Variants in PLCB4 observed in about 807,000 individuals in gnomAD.
PLCB4 encodes phospholipase C beta 4, also known as 1-phosphatidylinositol 4,5-bisphosphate phosphodiesterase beta-4.
Under a neutral mutation model 178.8 loss-of-function variants are expected in PLCB4, and 77 were observed. The ratio of observed to expected loss-of-function variants is 0.43; its 90% confidence interval spans 0.36 to 0.52. PLCB4 has a LOEUF of 0.52. PLCB4 is among the 20% of genes least tolerant of loss of function. The pLI, the probability that PLCB4 is intolerant of heterozygous loss-of-function variation, is 0.00. For synonymous variants in PLCB4, 496 were observed against 490.8 expected, an observed-to-expected ratio of 1.01 and a Z score of -0.14; for missense variants, 1,024 against 1,453.4, an observed-to-expected ratio of 0.70 and a Z score of 4.80.
At chr20:9,331,954 G>T (rs1170154977) in intron 4 of PLCB4, among the ~76,000 whole-genome samples, 1 of 152,144 alleles carries the variant, frequency 6.6e-6, no homozygotes, top group African/African-American at 2.4e-5. Context: ...TTTCACAAAA[G>T]GTGTTCCTGT....
chr20:9,356,798 A>G (rs2034864958), intron 7 of PLCB4, among the ~76,000 whole-genome samples: 1 of 152,202 alleles, frequency 6.6e-6, no homozygotes, highest in Non-Finnish European at 1.5e-5. Context: ...GAAAAATGCC[A>G]ACTTTTTCTT....
In PLCB4 at chr20:9,112,718, A is replaced by G. The variant is rs757206740; in HGVS notation, c.-79+16376A>G. Among the ~76,000 whole-genome samples, 129 of 152,262 alleles carry G rather than the reference A, an allele frequency of 8.5e-4. No homozygotes were observed. In the Middle Eastern group the frequency reaches 0.01, roughly 12 times the overall value. On this transcript the variant is annotated intron_variant, in intron 2 of 39. Transcript: ENST00000378473. ...GAGCATATTCATAGACTGTCCCTTT[A>G]TGCAATTCCTGGGCAAGTGCATGGC...
intron 3 of PLCB4, among the ~76,000 whole-genome samples, chr20:9,252,633 A>G (rs1462639822): frequency 6.6e-6 from 1 of 152,182 alleles, no homozygotes; most frequent in Non-Finnish European, 1.5e-5. Flanking sequence ...GATATCAGAT[A>G]GCTAGTAAAA....
intron 28 of PLCB4, among the ~76,000 whole-genome samples, chr20:9,432,740 G>A (rs569504598): frequency 1.3e-5 from 2 of 152,302 alleles, no homozygotes; most frequent in South Asian, 2.1e-4. Flanking sequence ...TCCTGATGAC[G>A]ATGAGAAAGC....
At chr20:9,076,753 C>T (rs188242462) in intron 1 of PLCB4, among the ~76,000 whole-genome samples, 21 of 152,164 alleles carry the variant, frequency 1.4e-4, no homozygotes, top group African/African-American at 4.3e-4. Context: ...GCAGTTCCTT[C>T]GGGATGTGTT....
At chr20:9,121,553 A>G (rs1366569576) in intron 2 of PLCB4, among the ~76,000 whole-genome samples, 2 of 152,180 alleles carry the variant, frequency 1.3e-5, no homozygotes, top group Non-Finnish European at 2.9e-5. Flanking sequence ...ATAATTTCCT[A>G]GCACAAGTAG....
At chr20:9,375,057 C>A (rs1236819323) in intron 12 of PLCB4, among the ~76,000 whole-genome samples, 3 of 152,114 alleles carry the variant, frequency 2.0e-5, no homozygotes, top group Admixed American at 2.0e-4. Context: ...TAAGACTACT[C>A]AGGAAAGTCT....
At chr20:9,331,554 T>G (rs1568600141) in intron 4 of PLCB4, among the ~76,000 whole-genome samples, 1 of 152,196 alleles carries the variant, frequency 6.6e-6, no homozygotes, top group East Asian at 1.9e-4. Context: ...ATTTCTCCAC[T>G]TCAATCAGAG....
intron 1 of PLCB4, among the ~76,000 whole-genome samples, chr20:9,083,061 C>G (rs755831189): frequency 6.6e-6 from 1 of 152,160 alleles, no homozygotes; most frequent in Non-Finnish European, 1.5e-5. Context: ...GCAGCAGATG[C>G]CTTCTGAAAA....
chr20:9,329,185 G>A (rs1243129428), intron 4 of PLCB4, among the ~76,000 whole-genome samples: 7 of 152,282 alleles, frequency 4.6e-5, no homozygotes, highest in East Asian at 3.9e-4. Flanking sequence ...TTCTCTTGGC[G>A]CAGCTGCCAG....
chr20:9,313,981 C>A (rs758388287), intron 4 of PLCB4, among the ~76,000 whole-genome samples: 4 of 152,172 alleles, frequency 2.6e-5, no homozygotes, highest in Non-Finnish European at 5.9e-5. Flanking sequence ...AATGAGGAGG[C>A]CCGTTTCAGG....
intron 3 of PLCB4, among the ~76,000 whole-genome samples, chr20:9,234,537 A>G (rs1369593142): frequency 6.6e-6 from 1 of 152,184 alleles, no homozygotes; most frequent in Non-Finnish European, 1.5e-5. Flanking sequence ...TCACTAAGAA[A>G]GAGAATGTTT....
rs573251437 is a variant in PLCB4 at position 9,130,479 on chromosome 20, A to G, written c.-79+34137A>G. Reference sequence around the variant, plus strand: ...TGTGTCGTCTAGCTGGTTTATAGTAAATGAATAACTTTCAACGTAGAAAGC... The same window carrying G: ...TGTGTCGTCTAGCTGGTTTATAGTAGATGAATAACTTTCAACGTAGAAAGC... On this transcript the variant is annotated intron_variant, in intron 2 of 39. Coordinates refer to ENST00000378473, the MANE Select transcript of PLCB4 (RefSeq NM_001377142.1). Among the ~76,000 whole-genome samples, 125 of 152,336 alleles carry G rather than the reference A, an allele frequency of 8.2e-4. 2 individuals carry two copies. Among genetic ancestry groups the G allele is most frequent in the African/African-American group, 2.9e-3 (119 of 41,590 alleles).
intron 7 of PLCB4, among the ~76,000 whole-genome samples, chr20:9,351,903 A>G (rs1165840350): frequency 6.6e-6 from 1 of 152,234 alleles, no homozygotes; most frequent in Non-Finnish European, 1.5e-5. Context: ...TGACCGATAA[A>G]TACAGGCCAT....
intron 1 of PLCB4, among the ~76,000 whole-genome samples, chr20:9,089,365 G>T (rs4816123): frequency 2.0e-5 from 3 of 152,000 alleles, no homozygotes; most frequent in African/African-American, 7.2e-5. Context: ...ATGTGATTAT[G>T]TAAAAAATAT....
intron 1 of PLCB4, among the ~76,000 whole-genome samples, chr20:9,095,680 AAAAT>A (rs1370798112): frequency 2.6e-5 from 4 of 152,212 alleles, no homozygotes; most frequent in African/African-American, 9.6e-5. Context: ...TAATACATGT[AAAAT>A]AAAATCAGAG....
At chr20:9,230,551 C>T (rs2093920638) in intron 3 of PLCB4, among the ~76,000 whole-genome samples, 1 of 152,102 alleles carries the variant, frequency 6.6e-6, no homozygotes, top group South Asian at 2.1e-4. Flanking sequence ...ACAAACTACC[C>T]TCAAAATTTA....
At chr20:9,203,056 A>AAAAAATATATATATATAT (rs769628056) in intron 2 of PLCB4, among the ~76,000 whole-genome samples, 1 of 126,162 alleles carries the variant, frequency 7.9e-6, no homozygotes, top group African/African-American at 3.3e-5. Flanking sequence ...AAAAAAAAAA[A>AAAAAATATATATATATAT]ATATATATAT....
intron 2 of PLCB4, among the ~76,000 whole-genome samples, chr20:9,204,588 C>T (rs553857600): frequency 6.6e-6 from 1 of 152,066 alleles, no homozygotes; most frequent in Admixed American, 6.5e-5. Context: ...GTCTTGAACT[C>T]CTGACCTCAG....
Sources: gnomAD v4.1 joint callset for allele counts (sites outside exome capture counted in the v4.1 genomes callset) on GRCh38, gnomAD v4.1.1 for gene constraint, MANE v1.5 for transcripts, NCBI Gene and HGNC (gene_info 2026-07-23, HGNC 2026-07-21) for gene names.